The following DTX2 variants were observed in gnomAD, a reference collection of about 807,000 sequenced individuals.
DTX2 encodes deltex E3 ubiquitin ligase 2.
Under a neutral mutation model 55.3 loss-of-function variants are expected in DTX2, and 29 were observed. That is an observed-to-expected ratio of 0.52 (90% CI 0.39 to 0.71). The LOEUF (loss-of-function observed/expected upper bound fraction) is 0.71, where lower values mean the gene tolerates loss of function less well. DTX2 is among the 30% of genes least tolerant of loss of function. The probability of loss-of-function intolerance (pLI) is 0.00; values close to 1 mark genes in which losing one functional copy is unlikely to be tolerated. For synonymous variants in DTX2, 276 were observed against 340.4 expected (o/e 0.81, Z 2.08); for missense variants, 537 against 822.5 (o/e 0.65, Z 4.25).
chr7:76,464,310 G>C (rs184488408), intron 2 of DTX2, among the ~76,000 whole-genome samples: 30,636 of 146,664 alleles, frequency 0.21, 4 homozygotes, highest in Non-Finnish European at 0.28. Context: ...GCTACTGTAA[G>C]TAGCTTAGTA....
rs368665521 is a variant in DTX2, at chr7:76,505,430, G to C, written c.1698G>C (p.Thr566=). 6 of 1,601,572 alleles carry C rather than the reference G, an allele frequency of 3.7e-6. No individual in the cohort carries two copies. Among genetic ancestry groups the C allele is most frequent in the Non-Finnish European group, 5.1e-6 (6 of 1,174,372 alleles). ...GGCGGCTCATCTTCACAGTGGGCAC[G>C]TCCAGCACCACGGGTGAGACGGACA... is the stretch of plus-strand genomic sequence containing the variant. ...WKRRLIFTVG[T]SSTTGETDTV... Residue 566 remains threonine (T), a synonymous_variant, in exon 11 of 11, where the codon ACG becomes ACC. Transcript: ENST00000430490. This position sits in a 1 kb window ranked among gnomAD's most constrained non-coding sequence, Gnocchi z 4.4.
rs371714277 is a variant in DTX2, at chr7:76,469,703, A to G, written c.-90+5994A>G. Among the ~76,000 whole-genome samples, 5 of 147,640 alleles carry G rather than the reference A, an allele frequency of 3.4e-5. No individual in the cohort carries two copies. In the South Asian group the frequency reaches 8.8e-4, roughly 26 times the overall value. On this transcript the variant is annotated intron_variant, in intron 2 of 10. Coordinates refer to ENST00000430490, the MANE Select transcript of DTX2 (RefSeq NM_001102594.3). ...CCACTGAGCCCGGCCAAATATTCCA[A>G]TTTTTAAACATCAGCTCAGTTTTTA...
At chr7:76,471,318 C>T (rs1212768707) in intron 2 of DTX2, among the ~76,000 whole-genome samples, 18 of 147,440 alleles carry the variant, frequency 1.2e-4, no homozygotes, top group African/African-American at 3.2e-4. Context: ...CCCGCCACCG[C>T]GCCCGGCTAA....
chr7:76,466,413 C>CT (rs61026525), intron 2 of DTX2, among the ~76,000 whole-genome samples: 63,841 of 137,926 alleles, frequency 0.46, 11,178 homozygotes, highest in South Asian at 0.55. Context: ...TATATCTAAT[C>CT]TTTTTTTTTT....
intron 2 of DTX2, chr7:76,477,067 T>C (rs574222544): frequency 6.7e-6 from 1 of 149,948 alleles, no homozygotes; most frequent in East Asian, 2.0e-4. Flanking sequence ...CCAGGAGTAA[T>C]TGGCTTGGAA....
At chr7:76,469,364 T>A (rs1363001870) in intron 2 of DTX2, among the ~76,000 whole-genome samples, 1 of 148,574 alleles carries the variant, frequency 6.7e-6, no homozygotes, top group Non-Finnish European at 1.5e-5. Context: ...ATCTAGATTT[T>A]TTTTTTTTTT....
Position 76,491,268 on chromosome 7 carries a change from T to C in DTX2, c.909-885T>C, listed in dbSNP as rs1259936063. ...ACCTTGGCCTCCCAAAGTGCTGAGA[T>C]TATAGGCGTGAGCCACTGCACCCAG... On this transcript the variant is annotated intron_variant, in intron 4 of 10. Coordinates refer to ENST00000430490, the MANE Select transcript of DTX2 (RefSeq NM_001102594.3). 2.7e-5 allele frequency among the ~76,000 whole-genome samples: 4 copies of C among 150,372 alleles called. No individual in the cohort carries two copies. In the South Asian group the frequency reaches 6.3e-4, roughly 24 times the overall value.
chr7:76,472,996 C>T (rs549074404), intron 2 of DTX2, among the ~76,000 whole-genome samples: 16 of 151,894 alleles, frequency 1.1e-4, no homozygotes, highest in Non-Finnish European at 2.1e-4. Context: ...TTTTCTTTTC[C>T]GTTTTTTTTA....
intron 3 of DTX2, among the ~76,000 whole-genome samples, chr7:76,481,393 G>T (rs998119657): frequency 4.6e-5 from 7 of 152,108 alleles, no homozygotes; most frequent in Non-Finnish European, 8.8e-5. Context: ...TGCCACGTTG[G>T]CCAGGCTGGT....
chr7:76,468,758 A>ATTTTTTTTTTTTTTTTTTTTTTTTTTT, intron 2 of DTX2, among the ~76,000 whole-genome samples: 1 of 27,032 alleles, frequency 3.7e-5, no homozygotes, highest in African/African-American at 2.1e-4. Flanking sequence ...CACGCCCAGC[A>ATTTTTTTTTTTTTTTTTTTTTTTTTTT]TTTTTTTTTT....
chr7:76,471,733 C>G (rs1435604920), intron 2 of DTX2, among the ~76,000 whole-genome samples: 2 of 150,782 alleles, frequency 1.3e-5, no homozygotes, highest in Admixed American at 1.3e-4. Flanking sequence ...ACTGCTGCCC[C>G]TATTACTCCC....
Position 76,483,082 on chromosome 7 carries a change from C to T in DTX2, c.843C>T (p.Arg281=). The T allele has an allele frequency of 6.2e-7, 1 of 1,613,014 alleles. No homozygotes were observed. Among genetic ancestry groups the T allele is most frequent in the Non-Finnish European group, 8.5e-7 (1 of 1,179,780 alleles). Residue 281 remains arginine, a synonymous_variant, in exon 4 of 11, where the codon CGC becomes CGT. Coordinates refer to ENST00000430490, the MANE Select transcript of DTX2 (RefSeq NM_001102594.3). ...PPSLGSQPLY[R]SSLSHLGPQH... is the part of the protein sequence containing the mutation. ...CCCTGGGGAGCCAGCCCCTCTACCG[C>T]TCCAGCCTCTCCCACCTGGGACCGC... is the stretch of plus-strand genomic sequence containing the variant.
intron 8 of DTX2, chr7:76,502,841 G>T (rs1282062986): frequency 7.7e-6 from 2 of 260,426 alleles, no homozygotes; most frequent in Non-Finnish European, 1.5e-5. Flanking sequence ...TGCTCATGAG[G>T]GAGAGGCTCA....
chr7:76,481,155 C>G (rs115954225), intron 3 of DTX2, among the ~76,000 whole-genome samples: 6 of 151,766 alleles, frequency 4.0e-5, no homozygotes, highest in Non-Finnish European at 7.4e-5. Context: ...TGCATGTGTG[C>G]GTTTCTGCTT....
At chr7:76,482,201 C>G (rs1031088276) in intron 3 of DTX2, among the ~76,000 whole-genome samples, 1 of 150,002 alleles carries the variant, frequency 6.7e-6, no homozygotes, top group Admixed American at 6.7e-5. Flanking sequence ...TTGTAGAGGT[C>G]GATTTGAAGT....
Position 76,482,924 on chromosome 7 carries a change from C to G in DTX2, c.685C>G (p.His229Asp), listed in dbSNP as rs140118064. The G allele has an allele frequency of 1.9e-4, 303 of 1,613,752 alleles. 1 individual carries two copies. The highest frequency in any genetic ancestry group is 3.7e-4 in the Admixed American group (22 of 60,000). ...TNLPAYPVPQ[H>D]PPHRTASVFG... ...CCTCCCTGCATACCCCGTCCCCCAG[C>G]ACCCCCCACACAGGACCGCTTCTGT... is the stretch of plus-strand genomic sequence containing the variant. Residue 229 changes from histidine (H) to aspartate (D), a missense_variant, in exon 4 of 11, where the codon CAC becomes GAC. Physicochemically the swap from His to Asp is moderately conservative, Grantham distance 81. Transcript: ENST00000430490.
chr7:76,462,016 A>G, intron 1 of DTX2, among the ~76,000 whole-genome samples, 180 bp downstream of exon 1: 2 of 131,918 alleles, frequency 1.5e-5, no homozygotes, highest in Non-Finnish European at 3.3e-5. Context: ...TGTCGGGGGG[A>G]TCGGTCTCCG....
rs1812242724 is a variant in DTX2 at position 76,505,481 on chromosome 7, C to G, written c.1749C>G (p.His583Gln). ...CCGTGGTATGGAACGAGATCCACCA[C>G]AAGACAGAGATGGACCGCAACATTA... Reference protein sequence around the residue: ...TDTVVWNEIHHKTEMDRNITG... With the variant: ...TDTVVWNEIHQKTEMDRNITG... The change falls in exon 11 of 11, where the codon CAC (histidine) becomes CAG (glutamine). Residue 583 changes from histidine (H) to glutamine (Q), a missense_variant. His to Gln is a conservative substitution (Grantham distance 24). This residue lies in a region of DTX2 where 59 missense variants were observed against 54.1 expected (regional missense o/e 1.09). Transcript: ENST00000430490. This position sits in a 1 kb window ranked among gnomAD's most constrained non-coding sequence, Gnocchi z 4.4. The G allele has an allele frequency of 6.2e-7, 1 of 1,609,524 alleles. No homozygotes were observed. Among genetic ancestry groups the G allele is most frequent in the Admixed American group, 1.7e-5 (1 of 59,498 alleles).
rs1811948326 is a variant in DTX2 at position 76,503,336 on chromosome 7, T to G, written c.1390-90T>G. ...CTCCCTGGGATGGTGGCCAGCCCAT[T>G]CCCGGGGCCCTTTACCATCTGACGG... On this transcript the variant is annotated intron_variant, in intron 8 of 10. Transcript: ENST00000430490. 2.1e-6 allele frequency: 3 copies of G among 1,443,706 alleles called. No individual in the cohort carries two copies. The East Asian group carries it at 7.5e-5, about 36-fold the overall frequency. 89.4% of individuals were successfully genotyped at this position (1,443,706 alleles called of 1,614,324 possible).
Sources: allele counts gnomAD v4.1 joint callset (sites outside exome capture counted in the v4.1 genomes callset), GRCh38; gene constraint gnomAD v4.1.1; regional missense constraint gnomAD v4.1.1; non-coding constraint Gnocchi (gnomAD v3.1); transcripts MANE v1.5; gene names NCBI Gene and HGNC (gene_info 2026-07-23, HGNC 2026-07-21).